TRA2B: variants seen among roughly 807,000 people sequenced by gnomAD.
TRA2B encodes the protein transformer-2 protein homolog beta.
A neutral mutation model predicts 41.7 loss-of-function variants in TRA2B; 14 were observed. The ratio of observed to expected loss-of-function variants is 0.34; its 90% CI spans 0.22 to 0.53. The LOEUF (loss-of-function observed/expected upper bound fraction) is 0.53. TRA2B is among the 20% of genes least tolerant of loss of function. TRA2B has a pLI of 0.95. For missense variants in TRA2B, 167 were observed against 396.8 expected, an observed-to-expected ratio of 0.42 and a Z score of 4.92; for synonymous variants, 130 against 128.8, an observed-to-expected ratio of 1.01 and a Z score of -0.06.
chr3:185,921,337 TC>T (rs773005548), intron 5 of TRA2B, 150 bp from the exon 6 acceptor site: 3 of 679,662 alleles, frequency 4.4e-6, no homozygotes, highest in Non-Finnish European at 7.6e-6. Flanking sequence ...CATTGCCCTT[TC>T]CCTTGTTTCA....
At chr3:185,918,505 T>G in intron 7 of TRA2B, 67 bp from the exon 8 acceptor site, 1 of 1,135,348 alleles carries the variant, frequency 8.8e-7, no homozygotes, top group Non-Finnish European at 1.3e-6. Flanking sequence ...TATAAATTTA[T>G]GACTATATAT....
At chr3:185,932,373 C>T (rs1391748640) in intron 1 of TRA2B, among the ~76,000 whole-genome samples, 1 of 152,104 alleles carries the variant, frequency 6.6e-6, no homozygotes. Context: ...ATTTAAAGAG[C>T]TCTGCAGAAA....
In TRA2B at chr3:185,934,337, AG is replaced by A; in HGVS notation, c.36+3487del. On this transcript the variant is annotated intron_variant, in intron 1 of 8. Coordinates refer to ENST00000453386, the MANE Select transcript of TRA2B (RefSeq NM_004593.3). ...GTTCGGATTTTATTGTAGAGAAAGG[AG>A]GAAAAAACGCTATGTAAGGCAAATC... The A allele has an allele frequency of 8.1e-6, 8 of 985,406 alleles. No homozygotes were observed. In the South Asian group the frequency reaches 3.3e-4, roughly 40 times the overall value. 61.0% of individuals were successfully genotyped at this position (985,406 alleles called of 1,614,324 possible). A position where few individuals can be genotyped will look rare whatever the true frequency, so the allele number is the denominator to read the frequency against.
chr3:185,929,999 T>G (rs1744089939), intron 1 of TRA2B, among the ~76,000 whole-genome samples: 1 of 152,164 alleles, frequency 6.6e-6, no homozygotes, highest in Admixed American at 6.5e-5. Context: ...GCCGGCCTCC[T>G]CCTCATCTTC....
chr3:185,918,961 AAC>A (rs1743610162), intron 7 of TRA2B, among the ~76,000 whole-genome samples: 1 of 152,172 alleles, frequency 6.6e-6, no homozygotes, highest in Non-Finnish European at 1.5e-5. Context: ...GCAACAGAGC[AAC>A]ACTCTGTCTC....
Position 185,915,255 on chromosome 3 carries a change from A to G in TRA2B, c.*2460T>C, listed in dbSNP as rs1006445966. ...CTGAGAAGTTTCACAAAAGCCTAGT[A>G]TAAAACTATTTAACTTAGCAATCTT... On this transcript the variant is annotated 3_prime_UTR_variant, in exon 9 of 9. Transcript: ENST00000453386. Among the ~76,000 whole-genome samples, 1 of 152,218 alleles carries G rather than the reference A, an allele frequency of 6.6e-6. No individual in the cohort carries two copies. Among genetic ancestry groups the G allele is most frequent in the Non-Finnish European group, 1.5e-5 (1 of 68,036 alleles).
At chr3:185,927,891 T>G (rs1382157136) in intron 1 of TRA2B, 1 of 152,214 alleles carries the variant, frequency 6.6e-6, no homozygotes, top group Non-Finnish European at 1.5e-5. Context: ...AACCTTTATT[T>G]TAGGTTATCA....
chr3:185,925,755 A>G (rs1743923485), intron 2 of TRA2B, 129 bp from the exon 3 acceptor site: 2 of 937,582 alleles, frequency 2.1e-6, no homozygotes, highest in African/African-American at 3.4e-5. Flanking sequence ...CCAATTTAGT[A>G]GGATCAATAC....
In TRA2B at chr3:185,917,188, G is replaced by C. The variant is rs1743531884; in HGVS notation, c.*527C>G. ...CTAATACTAGCAGTACAGAGTTACA[G>C]AGCATAATTTTAAACACTTAGTTGC... is the stretch of plus-strand genomic sequence containing the variant. On this transcript the variant is annotated 3_prime_UTR_variant, in exon 9 of 9. Transcript: ENST00000453386. The C allele has an allele frequency of 6.5e-6, 1 of 152,968 alleles. No homozygotes were observed. Among genetic ancestry groups the C allele is most frequent in the Non-Finnish European group, 1.5e-5 (1 of 68,576 alleles). 9.5% of individuals were successfully genotyped at this position (152,968 alleles called of 1,614,324 possible).
chr3:185,925,391 C>G, intron 3 of TRA2B, 73 bp downstream of exon 3: 1 of 1,550,576 alleles, frequency 6.4e-7, no homozygotes, highest in Non-Finnish European at 8.7e-7. Context: ...GCTCTATTGT[C>G]AAAATCAGCT....
chr3:185,923,448 C>T (rs1236230294), intron 4 of TRA2B: 1 of 167,208 alleles, frequency 6.0e-6, no homozygotes. Context: ...TGACATCATT[C>T]ACTAGCCAAA....
intron 6 of TRA2B, among the ~76,000 whole-genome samples, chr3:185,920,556 CATTT>C (rs1309384067): frequency 5.9e-5 from 9 of 151,974 alleles, no homozygotes; most frequent in South Asian, 2.1e-4. Context: ...ACTATGTATT[CATTT>C]ATTTATTTTT....
At chr3:185,919,588 A>G in intron 6 of TRA2B, 92 bp from the exon 7 acceptor site, 1 of 1,018,916 alleles carries the variant, frequency 9.8e-7, no homozygotes, top group South Asian at 1.7e-5. Flanking sequence ...ACTTTCATAG[A>G]GCATGAATGA....
chr3:185,922,885 G>A (rs1227082248), intron 4 of TRA2B: 1 of 152,216 alleles, frequency 6.6e-6, no homozygotes, highest in Non-Finnish European at 1.5e-5. Context: ...TAGTTCAGAT[G>A]TTCAAGCTAG....
rs1247305362 is a variant in TRA2B, at chr3:185,915,946, C to A, written c.*1769G>T. ...TTTAATGTATCCATCCATAACACAA[C>A]CCCCTCTGGGACCACACCCTAAAAC... On this transcript the variant is annotated 3_prime_UTR_variant, in exon 9 of 9. Transcript: ENST00000453386. 6.6e-6 allele frequency: 1 copy of A among 152,132 alleles called. No individual in the cohort carries two copies. Among genetic ancestry groups the A allele is most frequent in the Non-Finnish European group, 1.5e-5 (1 of 68,014 alleles). The allele number at this position is 152,132 out of a possible 1,614,324, so 9.4% of individuals were successfully genotyped here. A position where few individuals can be genotyped will look rare whatever the true frequency, so the allele number is the denominator to read the frequency against.
chr3:185,918,879 G>A (rs1743606758), intron 7 of TRA2B, among the ~76,000 whole-genome samples: 1 of 152,052 alleles, frequency 6.6e-6, no homozygotes, highest in East Asian at 1.9e-4. Context: ...GGTGGTGCAT[G>A]CTTGTAATCC....
rs1743485803 is a variant in TRA2B, at chr3:185,915,944, A to ATGT, written c.*1770_*1771insACA. On this transcript the variant is annotated 3_prime_UTR_variant, in exon 9 of 9. Coordinates refer to ENST00000453386, the MANE Select transcript of TRA2B (RefSeq NM_004593.3). ...CCTTTAATGTATCCATCCATAACAC[A>ATGT]ACCCCCTCTGGGACCACACCCTAAA... 6.6e-6 allele frequency: 1 copy of ATGT among 152,166 alleles called. No homozygotes were observed. Among genetic ancestry groups the ATGT allele is most frequent in the Non-Finnish European group, 1.5e-5 (1 of 68,024 alleles). 9.4% of individuals were successfully genotyped at this position (152,166 alleles called of 1,614,324 possible). A position where few individuals can be genotyped will look rare whatever the true frequency, so the allele number is the denominator to read the frequency against.
chr3:185,936,645 T>C, intron 1 of TRA2B: 2 of 985,044 alleles, frequency 2.0e-6, no homozygotes, highest in Non-Finnish European at 2.4e-6. Context: ...AAGGTAGCTT[T>C]ACCAACAAGG....
At chr3:185,936,441 G>A (rs1744358336) in intron 1 of TRA2B, 1 of 985,378 alleles carries the variant, frequency 1.0e-6, no homozygotes. Context: ...ATGCTCATCC[G>A]AGTATGTAAA....
Sources: allele counts gnomAD v4.1 joint callset (sites outside exome capture counted in the v4.1 genomes callset), GRCh38; gene constraint gnomAD v4.1.1; transcripts MANE v1.5; gene names NCBI Gene and HGNC (gene_info 2026-07-23, HGNC 2026-07-21).